CSF1R: variants seen among roughly 807,000 people sequenced by gnomAD.
CSF1R encodes colony stimulating factor 1 receptor.
In CSF1R, 40 loss-of-function variants were observed where a neutral mutation model predicts 110.0. That is an observed-to-expected ratio of 0.36 (90% CI 0.28 to 0.47). The LOEUF (loss-of-function observed/expected upper bound fraction) is 0.47. Among genes scored for constraint, CSF1R ranks in the 20% least tolerant of loss-of-function variants. The probability of loss-of-function intolerance (pLI) is 0.99; values close to 1 mark genes in which losing one functional copy is unlikely to be tolerated. For synonymous variants in CSF1R, 523 were observed against 503.4 expected (o/e 1.04, Z -0.52); for missense variants, 1,052 against 1,253.0 (o/e 0.84, Z 2.42).
Position 150,059,578 on chromosome 5 carries a change from T to C in CSF1R, c.2132+122A>G. The C allele has an allele frequency of 2.7e-6, 3 of 1,126,908 alleles. No homozygotes were observed. The South Asian group carries it at 4.4e-5, about 16-fold the overall frequency. 69.8% of individuals were successfully genotyped at this position (1,126,908 alleles called of 1,614,324 possible). A position where few individuals can be genotyped will look rare whatever the true frequency, so the allele number is the denominator to read the frequency against. On this transcript the variant is annotated intron_variant, in intron 14 of 20. Transcript: ENST00000675795. ...TGGTGGCTACTTCCCATGACACAGG[T>C]GGCAGGTGAGGGCTGCATAGCCACC... is the stretch of plus-strand genomic sequence containing the variant.
chr5:150,055,706 T>C (rs1402760438), intron 18 of CSF1R, among the ~76,000 whole-genome samples: 1 of 152,226 alleles, frequency 6.6e-6, no homozygotes, highest in African/African-American at 2.4e-5. Flanking sequence ...TTCTTTCTAC[T>C]AGAGCCTAGT....
At chr5:150,071,006 T>G (rs1160510870) in intron 6 of CSF1R, among the ~76,000 whole-genome samples, 1 of 152,216 alleles carries the variant, frequency 6.6e-6, no homozygotes, top group Non-Finnish European at 1.5e-5. Flanking sequence ...CTGCAGAGAC[T>G]GGGGTTCAAG....
intron 12 of CSF1R, 116 bp from the exon 13 acceptor site, chr5:150,061,088 A>G (rs1757493910): frequency 1.5e-6 from 1 of 665,086 alleles, no homozygotes; most frequent in Non-Finnish European, 2.6e-6. Context: ...ATACCCCAAG[A>G]CCCGGAGTGA....
chr5:150,098,225 C>T (rs555282956), intron 1 of CSF1R, among the ~76,000 whole-genome samples: 1 of 152,214 alleles, frequency 6.6e-6, no homozygotes, highest in South Asian at 2.1e-4. Flanking sequence ...ACATAGAAAA[C>T]ATTGATCTCT....
chr5:150,094,483 A>G, intron 1 of CSF1R: 1 of 1,599,282 alleles, frequency 6.3e-7, no homozygotes, highest in East Asian at 2.2e-5. Context: ...CACAAGGAAT[A>G]TAGGCAGATG....
chr5:150,055,631 G>A (rs530965888), intron 18 of CSF1R, among the ~76,000 whole-genome samples: 1 of 152,196 alleles, frequency 6.6e-6, no homozygotes, highest in African/African-American at 2.4e-5. Context: ...GGTTATGAGG[G>A]TATAGGAGCA....
intron 1 of CSF1R, among the ~76,000 whole-genome samples, chr5:150,101,050 T>A (rs1759388391): frequency 6.6e-6 from 1 of 151,652 alleles, no homozygotes; most frequent in Admixed American, 6.6e-5. Flanking sequence ...CTTTGCCATG[T>A]GACTTAGCAG....
intron 1 of CSF1R, among the ~76,000 whole-genome samples, chr5:150,092,896 C>T (rs1405789303): frequency 6.6e-6 from 1 of 152,106 alleles, no homozygotes; most frequent in African/African-American, 2.4e-5. Flanking sequence ...AATTATAACA[C>T]TACACTGTGA....
intron 5 of CSF1R, among the ~76,000 whole-genome samples, chr5:150,075,113 G>A (rs1758207026): frequency 6.6e-6 from 1 of 152,188 alleles, no homozygotes; most frequent in Non-Finnish European, 1.5e-5. Flanking sequence ...CATCTGCACT[G>A]CTTCATGCAT....
chr5:150,066,140 C>G (rs1351645865), intron 10 of CSF1R, among the ~76,000 whole-genome samples: 1 of 152,158 alleles, frequency 6.6e-6, no homozygotes, highest in Non-Finnish European at 1.5e-5. Context: ...TCAGACCTCC[C>G]CCTCCTTCCA....
At chr5:150,055,188 A>G (rs1352020235) in intron 19 of CSF1R, 49 bp downstream of exon 19, 2 of 1,540,970 alleles carry the variant, frequency 1.3e-6, no homozygotes, top group Non-Finnish European at 1.8e-6. Flanking sequence ...ATCCCTTTCC[A>G]GCGAAAGCCT....
At chr5:150,082,722 G>A (rs991274002) in intron 1 of CSF1R, among the ~76,000 whole-genome samples, 2 of 152,180 alleles carry the variant, frequency 1.3e-5, no homozygotes, top group Admixed American at 1.3e-4. Flanking sequence ...ACCTCTTTGA[G>A]CCTCAGGCTA....
intron 1 of CSF1R, among the ~76,000 whole-genome samples, chr5:150,108,615 C>T (rs773677817): frequency 3.3e-5 from 5 of 152,180 alleles, no homozygotes; most frequent in Non-Finnish European, 5.9e-5. Flanking sequence ...TCCCTCTTGT[C>T]TCTTCAGAGG....
intron 1 of CSF1R, among the ~76,000 whole-genome samples, chr5:150,103,414 G>T (rs1463972695): frequency 6.6e-6 from 1 of 152,164 alleles, no homozygotes. Context: ...CAGCACTTGT[G>T]GTCCCCGGAG....
intron 5 of CSF1R, 98 bp from the exon 6 acceptor site, chr5:150,073,591 G>A (rs1262279194): frequency 1.6e-6 from 2 of 1,276,456 alleles, no homozygotes; most frequent in South Asian, 1.4e-5. Context: ...TCCCTGAGCA[G>A]CTATGTCACA....
intron 16 of CSF1R, 128 bp downstream of exon 16, chr5:150,057,159 T>A (rs777210216): frequency 8.4e-5 from 61 of 727,080 alleles, no homozygotes; most frequent in Non-Finnish European, 1.3e-4. Context: ...CCCAAATGAC[T>A]CTCTCATACT....
chr5:150,061,762 T>C lies in CSF1R; in HGVS notation c.1714A>G (p.Asn572Asp), dbSNP rs1234517590. 6.2e-7 allele frequency: 1 copy of C among 1,614,074 alleles called. No individual in the cohort carries two copies. The highest frequency in any genetic ancestry group is 2.2e-5 in the East Asian group (1 of 44,888). ...TFIDPTQLPYNEKWEFPRNNL... is the reference protein window; with the variant it reads ...TFIDPTQLPYDEKWEFPRNNL... Reference sequence around the variant, plus strand: ...TTCCGGGGGAACTCCCACTTCTCGTTGTAAGGCAGCTGCGTGGGGTCGATG... The same window carrying C: ...TTCCGGGGGAACTCCCACTTCTCGTCGTAAGGCAGCTGCGTGGGGTCGATG... The change falls in exon 11 of 21, where the codon AAC becomes GAC. Residue 572 changes from asparagine to aspartate, a missense_variant. Coordinates refer to ENST00000675795, the MANE Select transcript of CSF1R (RefSeq NM_001288705.3).
chr5:150,085,352 TCTC>T (rs1007194272), intron 1 of CSF1R, among the ~76,000 whole-genome samples: 8 of 148,088 alleles, frequency 5.4e-5, no homozygotes, highest in African/African-American at 1.8e-4. Flanking sequence ...CAGTGGGCCA[TCTC>T]CTCCTCATCA....
At chr5:150,076,336 A>G (rs1255564218) in intron 5 of CSF1R, among the ~76,000 whole-genome samples, 1 of 131,894 alleles carries the variant, frequency 7.6e-6, no homozygotes, top group South Asian at 2.2e-4. Flanking sequence ...CTATCTATCT[A>G]TCTATCTATC....
Sources: gnomAD v4.1 joint callset for allele counts (sites outside exome capture counted in the v4.1 genomes callset) on GRCh38, gnomAD v4.1.1 for gene constraint, MANE v1.5 for transcripts, NCBI Gene and HGNC (gene_info 2026-07-23, HGNC 2026-07-21) for gene names.